Variants in TRIT1 observed in about 807,000 individuals in gnomAD.
TRIT1 encodes the protein tRNA isopentenyltransferase 1.
In TRIT1, 43 loss-of-function variants were observed where a neutral mutation model predicts 51.2. That is an observed-to-expected ratio of 0.84 (90% confidence interval 0.66 to 1.08). The LOEUF (loss-of-function observed/expected upper bound fraction) is 1.08, where lower values mean the gene tolerates loss of function less well. TRIT1 is among the 50% of genes least tolerant of loss of function. The probability of loss-of-function intolerance (pLI) is 0.00; values close to 1 mark genes in which losing one functional copy is unlikely to be tolerated. For missense variants in TRIT1, 528 were observed against 578.4 expected (o/e 0.91, Z 0.89); for synonymous variants, 184 against 203.9 (o/e 0.90, Z 0.83).
chr1:39,847,405 T>A, intron 7 of TRIT1, 108 bp from the exon 8 acceptor site: 1 of 1,431,732 alleles, frequency 7.0e-7, no homozygotes, highest in Non-Finnish European at 9.8e-7. Flanking sequence ...CAGTGCAATG[T>A]CAGACTTGGT....
Position 39,839,728 on chromosome 1 carries a change from C to CT in TRIT1, c.*2015dup, listed in dbSNP as rs984179122. Reference sequence around the variant, plus strand: ...GTAAGTGCTTCATAAATATTAGACACTTTTTTTTTGGTAAAAAAGGCCTGA... The same window carrying CT: ...GTAAGTGCTTCATAAATATTAGACACTTTTTTTTTTGGTAAAAAAGGCCTGA... On this transcript the variant is annotated 3_prime_UTR_variant, in exon 11 of 11. Transcript: ENST00000316891. Among the ~76,000 whole-genome samples, 57 of 151,562 alleles carry CT rather than the reference C, an allele frequency of 3.8e-4. No individual in the cohort carries two copies. Among genetic ancestry groups the CT allele is most frequent in the Admixed American group, 1.4e-3 (21 of 15,224 alleles).
rs947848169 is a variant in TRIT1 at position 39,838,190 on chromosome 1, C to G, written c.*3554G>C. On this transcript the variant is annotated 3_prime_UTR_variant, in exon 11 of 11. Coordinates refer to ENST00000316891, the MANE Select transcript of TRIT1 (RefSeq NM_017646.6). ...GCATTCAGAGTAGCTTTACAAATAA[C>G]CAGTTAGCCATCATTTTAGAAAACA... Among the ~76,000 whole-genome samples, 2 of 152,192 alleles carry G rather than the reference C, an allele frequency of 1.3e-5. No individual in the cohort carries two copies. Among genetic ancestry groups the G allele is most frequent in the Non-Finnish European group, 2.9e-5 (2 of 68,038 alleles).
At chr1:39,878,931 G>C (rs1433356188) in intron 1 of TRIT1, among the ~76,000 whole-genome samples, 1 of 152,026 alleles carries the variant, frequency 6.6e-6, no homozygotes, top group Non-Finnish European at 1.5e-5. Context: ...TCTTTTTCCT[G>C]ATCAAAATGT....
In TRIT1 at chr1:39,844,645, T is replaced by G. The variant is rs764117268; in HGVS notation, c.1007-5A>C. ...GGGGGACAATGGGACCAGGTCCTAA[T>G]GATGACAAAGAAAGGTTGTGAGAGG... is the stretch of plus-strand genomic sequence containing the variant. On this transcript the variant is annotated splice_polypyrimidine_tract_variant and splice_region_variant and intron_variant, in intron 8 of 10. Transcript: ENST00000316891. The G allele has an allele frequency of 2.5e-6, 4 of 1,607,024 alleles. No individual in the cohort carries two copies. The South Asian group carries it at 3.3e-5, about 13-fold the overall frequency.
intron 9 of TRIT1, 30 bp from the exon 10 acceptor site, chr1:39,844,248 C>T: frequency 6.6e-7 from 1 of 1,515,786 alleles, no homozygotes; most frequent in South Asian, 1.1e-5. Context: ...AGGGAGTATT[C>T]AATTCAAAGA....
At chr1:39,848,731 G>A (rs11801328) in intron 5 of TRIT1, among the ~76,000 whole-genome samples, 1,708 of 151,736 alleles carry the variant, frequency 0.011, 19 homozygotes, top group African/African-American at 0.039. Context: ...GCTGGGGCAG[G>A]AGAATCGCTT....
In TRIT1 at chr1:39,839,330, G is replaced by A. The variant is rs1486125753; in HGVS notation, c.*2414C>T. Among the ~76,000 whole-genome samples, 1 of 152,208 alleles carries A rather than the reference G, an allele frequency of 6.6e-6. No individual in the cohort carries two copies. Among genetic ancestry groups the A allele is most frequent in the African/African-American group, 2.4e-5 (1 of 41,434 alleles). On this transcript the variant is annotated 3_prime_UTR_variant, in exon 11 of 11. Coordinates refer to ENST00000316891, the MANE Select transcript of TRIT1 (RefSeq NM_017646.6). ...CAAATGAGATTTGGTATGAGATTTA[G>A]TAATAGAGTAAGAAAGGTGATCTAA... is the stretch of plus-strand genomic sequence containing the variant.
chr1:39,856,487 GAAA>G (rs61518870), intron 2 of TRIT1, among the ~76,000 whole-genome samples: 6 of 108,684 alleles, frequency 5.5e-5, no homozygotes, highest in East Asian at 2.6e-4. Flanking sequence ...GTCTCTAGGA[GAAA>G]AAAAAAAAAA....
intron 1 of TRIT1, among the ~76,000 whole-genome samples, chr1:39,862,117 C>T (rs115926316): frequency 0.013 from 1,958 of 151,766 alleles, 39 homozygotes; most frequent in African/African-American, 0.046. Context: ...ATATTAGTTA[C>T]GAGGAGCTGG....
rs765508032 is a variant in TRIT1 at position 39,850,293 on chromosome 1, C to T, written c.561-32G>A. The T allele has an allele frequency of 9.3e-6, 15 of 1,611,180 alleles. No individual in the cohort carries two copies. In the African/African-American group the frequency reaches 1.7e-4, roughly 19 times the overall value. On this transcript the variant is annotated intron_variant, in intron 4 of 10. Coordinates refer to ENST00000316891, the MANE Select transcript of TRIT1 (RefSeq NM_017646.6). ...AATTTAAAAGGGGAGGGAGGGGGCA[C>T]ACCCATAAAAACCAATAGAAAATAT...
At chr1:39,875,255 C>T (rs1288681780) in intron 1 of TRIT1, among the ~76,000 whole-genome samples, 1 of 151,836 alleles carries the variant, frequency 6.6e-6, no homozygotes, top group African/African-American at 2.4e-5. Flanking sequence ...TTTGGGAGCC[C>T]GAGGTGGGCA....
chr1:39,865,852 GAAAGA>G (rs1421583112), intron 1 of TRIT1, among the ~76,000 whole-genome samples: 1 of 148,470 alleles, frequency 6.7e-6, no homozygotes, highest in Non-Finnish European at 1.5e-5. Context: ...AGAAAGAAAG[GAAAGA>G]AGAGAGTGAT....
intron 1 of TRIT1, among the ~76,000 whole-genome samples, chr1:39,864,700 A>G (rs541772012): frequency 6.6e-6 from 1 of 151,764 alleles, no homozygotes; most frequent in African/African-American, 2.4e-5. Context: ...TACTCCCCCC[A>G]GTTTTTTACG....
Position 39,883,384 on chromosome 1 carries a change from T to C in TRIT1, c.108A>G (p.Lys36=), listed in dbSNP as rs770905474. The C allele has an allele frequency of 1.2e-6, 2 of 1,613,514 alleles. No homozygotes were observed. Among genetic ancestry groups the C allele is most frequent in the East Asian group, 2.2e-5 (1 of 44,862 alleles). ...GGCCTAGCTGCAACGCCAGCGTGGA[T>C]TTGCCGGTGCCCGTGGCCCCGAGAA... ...VVILGATGTG[K]STLALQLGQR... The change falls in exon 1 of 11, where the codon AAA becomes AAG. Residue 36 remains lysine (K), a synonymous_variant. Coordinates refer to ENST00000316891, the MANE Select transcript of TRIT1 (RefSeq NM_017646.6).
At chr1:39,863,608 T>C (rs1205198216) in intron 1 of TRIT1, among the ~76,000 whole-genome samples, 1 of 152,028 alleles carries the variant, frequency 6.6e-6, no homozygotes, top group Non-Finnish European at 1.5e-5. Context: ...TACCACTTTG[T>C]TGCACCTCTA....
intron 1 of TRIT1, chr1:39,881,514 T>C (rs911150144): frequency 5.3e-5 from 8 of 151,858 alleles, no homozygotes; most frequent in African/African-American, 1.7e-4. Flanking sequence ...CTACACACTA[T>C]GGCCATTTCA....
chr1:39,843,128 T>C (rs553484313), intron 10 of TRIT1, among the ~76,000 whole-genome samples: 1 of 152,332 alleles, frequency 6.6e-6, no homozygotes, highest in South Asian at 2.1e-4. Flanking sequence ...CTTCTGCTGG[T>C]TGGGCAATCA....
chr1:39,872,965 G>C (rs1433071176), intron 1 of TRIT1, among the ~76,000 whole-genome samples: 3 of 152,028 alleles, frequency 2.0e-5, no homozygotes, highest in Non-Finnish European at 4.4e-5. Context: ...GGAGAAATAG[G>C]ACATCTGCAT....
At chr1:39,849,245 A>G (rs1309595271) in intron 5 of TRIT1, among the ~76,000 whole-genome samples, 2 of 152,194 alleles carry the variant, frequency 1.3e-5, no homozygotes, top group African/African-American at 2.4e-5. Flanking sequence ...TCTCTATTTT[A>G]CAGGAGAATT....
Sources: gnomAD v4.1 joint callset for allele counts (sites outside exome capture counted in the v4.1 genomes callset) on GRCh38, gnomAD v4.1.1 for gene constraint, MANE v1.5 for transcripts, NCBI Gene and HGNC (gene_info 2026-07-23, HGNC 2026-07-21) for gene names.